The following PCGF5 variants were observed in gnomAD, a reference collection of about 807,000 sequenced individuals.
PCGF5 encodes polycomb group RING finger protein 5.
PCGF5 carries 9 observed loss-of-function variants against 44.3 expected under a neutral mutation model. The observed-to-expected ratio is 0.20, with a 90% confidence interval of 0.12 to 0.35. The LOEUF (loss-of-function observed/expected upper bound fraction) is 0.35. Ranked by LOEUF, PCGF5 falls within the 10% of genes least tolerant of loss-of-function variation. PCGF5 has a pLI of 1.00. For missense variants in PCGF5, 146 were observed against 305.3 expected (o/e 0.48, Z 3.89); for synonymous variants, 95 against 102.5 (o/e 0.93, Z 0.44).
chr10:91,199,539 C>G (rs1305645858), intron 1 of PCGF5, among the ~76,000 whole-genome samples: 5 of 152,214 alleles, frequency 3.3e-5, no homozygotes, highest in Non-Finnish European at 7.3e-5. Context: ...TCAAGTGCAG[C>G]CCAAAGGCTT....
At chr10:91,242,802 A>G (rs866954314) in intron 3 of PCGF5, among the ~76,000 whole-genome samples, 4 of 152,130 alleles carry the variant, frequency 2.6e-5, no homozygotes, top group Admixed American at 6.6e-5. Flanking sequence ...CCTTACTCTT[A>G]AATGCTTTAG....
chr10:91,228,241 G>A (rs1409375174), intron 2 of PCGF5, among the ~76,000 whole-genome samples: 1 of 152,118 alleles, frequency 6.6e-6, no homozygotes, highest in African/African-American at 2.4e-5. Context: ...ATAGGTTGTT[G>A]ATTTAAAACA....
intron 8 of PCGF5, among the ~76,000 whole-genome samples, chr10:91,267,586 A>T (rs569454186): frequency 1.3e-5 from 2 of 152,312 alleles, no homozygotes; most frequent in South Asian, 2.1e-4. Context: ...TATTTATCTG[A>T]ATCTCAGCTT....
At position 91,279,942 on chromosome 10, in the gene PCGF5, CTT is replaced by C. The variant is rs1404405109; in HGVS notation, c.*1627_*1628del. On this transcript the variant is annotated 3_prime_UTR_variant, in exon 10 of 10. Transcript: ENST00000336126. ...TATTTCACTATGTAAAAGGCTGAAA[CTT>C]CATAATTATCTGTTCCTTCTATCTT... 1 of 152,012 alleles carries C rather than the reference CTT, an allele frequency of 6.6e-6. No individual in the cohort carries two copies. Among genetic ancestry groups the C allele is most frequent in the Non-Finnish European group, 1.5e-5 (1 of 67,906 alleles). The allele number at this position is 152,012 out of a possible 1,614,324, so 9.4% of individuals were successfully genotyped here.
intron 8 of PCGF5, among the ~76,000 whole-genome samples, chr10:91,269,160 A>G (rs1344722394): frequency 6.6e-6 from 1 of 152,186 alleles, no homozygotes; most frequent in Non-Finnish European, 1.5e-5. Flanking sequence ...TCTTTGGACC[A>G]TCCTTTGAGT....
intron 1 of PCGF5, among the ~76,000 whole-genome samples, chr10:91,189,103 C>A (rs974583838): frequency 1.1e-4 from 16 of 152,170 alleles, no homozygotes; most frequent in African/African-American, 3.9e-4. Flanking sequence ...TCTGCCAGGG[C>A]TGACTAAGAC....
chr10:91,184,936 C>T (rs570492432), intron 1 of PCGF5, among the ~76,000 whole-genome samples: 6 of 152,232 alleles, frequency 3.9e-5, no homozygotes, highest in South Asian at 2.1e-4. Flanking sequence ...CTGAATGCAG[C>T]GGTAGGAGGT....
intron 8 of PCGF5, among the ~76,000 whole-genome samples, chr10:91,264,956 G>T (rs1002690750): frequency 6.6e-6 from 1 of 152,018 alleles, no homozygotes; most frequent in Non-Finnish European, 1.5e-5. Flanking sequence ...CTTCTTTCAG[G>T]TACCTCCTTT....
At chr10:91,178,724 G>C (rs1025343854) in intron 1 of PCGF5, among the ~76,000 whole-genome samples, 3 of 151,330 alleles carry the variant, frequency 2.0e-5, no homozygotes, top group Non-Finnish European at 2.9e-5. Flanking sequence ...AGTACACTTT[G>C]AGTTTAAACA....
chr10:91,236,377 TTA>T (rs1845164536), intron 2 of PCGF5, among the ~76,000 whole-genome samples: 1 of 152,196 alleles, frequency 6.6e-6, no homozygotes, highest in South Asian at 2.1e-4. Flanking sequence ...TCATTAAATA[TTA>T]GCTAAGTTGT....
intron 2 of PCGF5, among the ~76,000 whole-genome samples, chr10:91,229,347 GT>G (rs1201137998): frequency 1.3e-5 from 2 of 152,192 alleles, no homozygotes; most frequent in African/African-American, 2.4e-5. Flanking sequence ...AATGCTATGA[GT>G]TAAAAACAGA....
At chr10:91,265,110 A>G (rs1846018543) in intron 8 of PCGF5, among the ~76,000 whole-genome samples, 1 of 152,160 alleles carries the variant, frequency 6.6e-6, no homozygotes, top group Non-Finnish European at 1.5e-5. Flanking sequence ...AAAAAACCCA[A>G]AAGGTGAATT....
chr10:91,226,209 T>G (rs1035144203), intron 2 of PCGF5, among the ~76,000 whole-genome samples: 2 of 148,794 alleles, frequency 1.3e-5, no homozygotes, highest in East Asian at 4.0e-4. Context: ...GCTTTATAAT[T>G]GGTGTGCAAA....
At chr10:91,256,875 G>A (rs1349651633) in intron 6 of PCGF5, among the ~76,000 whole-genome samples, 1 of 152,024 alleles carries the variant, frequency 6.6e-6, no homozygotes, top group Non-Finnish European at 1.5e-5. Flanking sequence ...GAGAAATTAA[G>A]ATATTCCCAT....
upstream of PCGF5, among the ~76,000 whole-genome samples, chr10:91,158,174 T>C (rs992775521): frequency 1.3e-5 from 2 of 152,198 alleles, no homozygotes; most frequent in Non-Finnish European, 2.9e-5. Context: ...GTAGACTTTA[T>C]TTATAGGAGA....
intron 8 of PCGF5, among the ~76,000 whole-genome samples, chr10:91,266,226 C>T (rs1456612735): frequency 6.6e-6 from 1 of 152,104 alleles, no homozygotes; most frequent in African/African-American, 2.4e-5. Flanking sequence ...TGACTGAAAT[C>T]ATCGTGATGA....
upstream of PCGF5, among the ~76,000 whole-genome samples, chr10:91,217,039 C>CTT (rs10657090): frequency 0.051 from 7,561 of 148,572 alleles, 613 homozygotes; most frequent in African/African-American, 0.17. Flanking sequence ...AAAATTTCAC[C>CTT]TTTTTTTTTT....
chr10:91,167,015 C>T (rs12255565), intron 1 of PCGF5, among the ~76,000 whole-genome samples: 2,513 of 152,148 alleles, frequency 0.017, 78 homozygotes, highest in African/African-American at 0.058. Flanking sequence ...TCTAAGATCT[C>T]GTCCAGCTCT....
chr10:91,207,066 A>G (rs1201219436), intron 1 of PCGF5, among the ~76,000 whole-genome samples: 2 of 152,216 alleles, frequency 1.3e-5, no homozygotes, highest in African/African-American at 4.8e-5. Flanking sequence ...TGCTGAGAAC[A>G]TAGCCTCGCC....
Sources: gnomAD v4.1 joint callset for allele counts (sites outside exome capture counted in the v4.1 genomes callset) on GRCh38, gnomAD v4.1.1 for gene constraint, MANE v1.5 for transcripts, NCBI Gene and HGNC (gene_info 2026-07-23, HGNC 2026-07-21) for gene names.